The following CARS2 variants were observed in gnomAD, a reference collection of about 807,000 sequenced individuals.
CARS2 encodes the protein probable cysteine--tRNA ligase, mitochondrial.
A neutral mutation model predicts 68.8 loss-of-function variants in CARS2; 52 were observed. That is an observed-to-expected ratio of 0.76 (90% CI 0.61 to 0.95). CARS2 has a LOEUF of 0.95. Among genes scored for constraint, CARS2 ranks in the 40% least tolerant of loss-of-function variants. CARS2 has a pLI of 0.00. For missense variants in CARS2, 780 were observed against 754.2 expected, an observed-to-expected ratio of 1.03 and a Z score of -0.40; for synonymous variants, 314 against 303.6, an observed-to-expected ratio of 1.03 and a Z score of -0.36.
Position 110,687,933 on chromosome 13 carries a change from GC to G in CARS2, c.465+13del, listed in dbSNP as rs1566324048. 2.5e-6 allele frequency: 4 copies of G among 1,609,468 alleles called. 1 individual carries two copies. The South Asian group carries it at 4.4e-5, about 18-fold the overall frequency. Reference sequence around the variant, plus strand: ...GTCACCCTCATGGCAGGAACAACCAGCCCCACACTTTACCTTCAGGGCTGCC... The same window carrying G: ...GTCACCCTCATGGCAGGAACAACCAGCCCACACTTTACCTTCAGGGCTGCC... On this transcript the variant is annotated intron_variant, in intron 4 of 14. Coordinates refer to ENST00000257347, the MANE Select transcript of CARS2 (RefSeq NM_024537.4).
intron 2 of CARS2, among the ~76,000 whole-genome samples, chr13:110,704,203 T>C (rs1045643395): frequency 6.6e-6 from 1 of 152,260 alleles, no homozygotes; most frequent in Non-Finnish European, 1.5e-5. Flanking sequence ...ATGAGATTTC[T>C]TTCTGTCTTT....
intron 11 of CARS2, 63 bp from the exon 12 acceptor site, chr13:110,646,153 C>A: frequency 6.5e-7 from 1 of 1,546,444 alleles, no homozygotes; most frequent in Non-Finnish European, 8.7e-7. Flanking sequence ...GCGGCCCCCA[C>A]ACCAGTCCTT....
chr13:110,658,938 C>A lies in CARS2; in HGVS notation c.987+4513G>T, dbSNP rs543210704. On this transcript the variant is annotated intron_variant, in intron 9 of 14. Transcript: ENST00000257347. ...TGAGACTAACAAAAAAACAAACAAACAAAAAAAGAAAAACAGACTACAGAC... is the reference window on the plus strand; with the variant it reads ...TGAGACTAACAAAAAAACAAACAAAAAAAAAAAGAAAAACAGACTACAGAC... 3.3e-5 allele frequency among the ~76,000 whole-genome samples: 5 copies of A among 151,692 alleles called. 1 individual carries two copies. The highest frequency in any genetic ancestry group is 2.1e-4 in the South Asian group (1 of 4,808).
rs780900200 is a variant in CARS2, at chr13:110,665,528, C to G, written c.919+1812G>C. 63 of 985,374 alleles carry G rather than the reference C, an allele frequency of 6.4e-5. No homozygotes were observed. The highest frequency in any genetic ancestry group is 6.6e-5 in the Non-Finnish European group (55 of 829,970). 61.0% of individuals were successfully genotyped at this position (985,374 alleles called of 1,614,324 possible). On this transcript the variant is annotated intron_variant, in intron 8 of 14. Coordinates refer to ENST00000257347, the MANE Select transcript of CARS2 (RefSeq NM_024537.4). The surrounding 1 kb of genome is among the most constrained non-coding windows in gnomAD (Gnocchi z 4.3). The stretch of plus-strand genomic sequence containing the variant: ...TCTAGACCCGGCCCCTCCTCATTAC[C>G]TGACAGGACGAAGCGTTGGCACAGC...
rs989855610 is a variant in CARS2 at position 110,687,644 on chromosome 13, A to T, written c.571+77T>A. On this transcript the variant is annotated intron_variant, in intron 5 of 14. Coordinates refer to ENST00000257347, the MANE Select transcript of CARS2 (RefSeq NM_024537.4). ...CAGTGAGCTGAGATAGCACCACTGCACTCCAGCCTGGGTGACAGAGTAAAA... is the reference window on the plus strand; with the variant it reads ...CAGTGAGCTGAGATAGCACCACTGCTCTCCAGCCTGGGTGACAGAGTAAAA... 4.5e-5 allele frequency: 39 copies of T among 871,294 alleles called. No homozygotes were observed. In the African/African-American group the frequency reaches 6.2e-4, roughly 14 times the overall value. The allele number at this position is 871,294 out of a possible 1,614,324, so 54.0% of individuals were successfully genotyped here.
intron 10 of CARS2, 89 bp downstream of exon 10, chr13:110,650,945 C>T (rs536169655): frequency 1.4e-4 from 129 of 935,844 alleles, no homozygotes; most frequent in Non-Finnish European, 1.9e-4. Flanking sequence ...TCTGCTTATT[C>T]TCTGGCCTGC....
chr13:110,649,603 G>A (rs528482889), intron 10 of CARS2, among the ~76,000 whole-genome samples: 16 of 152,334 alleles, frequency 1.1e-4, no homozygotes, highest in Admixed American at 3.9e-4. Context: ...CACTCCCATC[G>A]TCTTCATTAA....
intron 3 of CARS2, among the ~76,000 whole-genome samples, chr13:110,699,300 C>T (rs1320862235): frequency 1.3e-5 from 2 of 152,194 alleles, no homozygotes; most frequent in African/African-American, 4.8e-5. Flanking sequence ...AAACAGCAGC[C>T]CACCACTGGA....
intron 3 of CARS2, among the ~76,000 whole-genome samples, chr13:110,699,942 G>A (rs2063734710): frequency 6.6e-6 from 1 of 152,174 alleles, no homozygotes; most frequent in African/African-American, 2.4e-5. Flanking sequence ...CCAGGTGTGG[G>A]CCAGACTCCA....
Position 110,705,158 on chromosome 13 carries a change from G to C in CARS2, c.275+363C>G, listed in dbSNP as rs1229438117. On this transcript the variant is annotated intron_variant, in intron 2 of 14. Coordinates refer to ENST00000257347, the MANE Select transcript of CARS2 (RefSeq NM_024537.4). The surrounding 1 kb of genome is among the most constrained non-coding windows in gnomAD (Gnocchi z 4.0). ...AGAAACCAGGACTCAAAGCAATAAA[G>C]TGACCTGCTCAGTGCTGTGAAGCTA... Among the ~76,000 whole-genome samples, 2 of 152,208 alleles carry C rather than the reference G, an allele frequency of 1.3e-5. No homozygotes were observed. Among genetic ancestry groups the C allele is most frequent in the Non-Finnish European group, 2.9e-5 (2 of 68,038 alleles).
chr13:110,649,173 G>A (rs1402114406), intron 10 of CARS2: 3 of 152,264 alleles, frequency 2.0e-5, no homozygotes, highest in Non-Finnish European at 2.9e-5. Context: ...TGCTGCACGA[G>A]GCCAGGCGAG....
chr13:110,681,026 C>G (rs1419902338), intron 6 of CARS2, among the ~76,000 whole-genome samples: 1 of 152,216 alleles, frequency 6.6e-6, no homozygotes, highest in Non-Finnish European at 1.5e-5. Context: ...TAGGGGGTGA[C>G]CGCAGGGTCT....
In CARS2 at chr13:110,653,555, T is replaced by C. The variant is rs1360977857; in HGVS notation, c.988-2455A>G. ...TTCCAAAAACGATTTCACCTGGCTT[T>C]CTCTCAAAGGGGTTTTCCTCTCAGA... On this transcript the variant is annotated intron_variant, in intron 9 of 14. Coordinates refer to ENST00000257347, the MANE Select transcript of CARS2 (RefSeq NM_024537.4). This position sits in a 1 kb window ranked among gnomAD's most constrained non-coding sequence, Gnocchi z 5.6. Among the ~76,000 whole-genome samples, 1 of 152,164 alleles carries C rather than the reference T, an allele frequency of 6.6e-6. No individual in the cohort carries two copies. Among genetic ancestry groups the C allele is most frequent in the Non-Finnish European group, 1.5e-5 (1 of 68,044 alleles).
Position 110,668,579 on chromosome 13 carries a change from C to T in CARS2, c.786-1106G>A, listed in dbSNP as rs113065164. ...AGATTTTTACATCTTAGTGACGGGT[C>T]GTCTTAGGGTAACTCTAACATTCCC... On this transcript the variant is annotated intron_variant, in intron 7 of 14. Coordinates refer to ENST00000257347, the MANE Select transcript of CARS2 (RefSeq NM_024537.4). The surrounding 1 kb of genome is among the most constrained non-coding windows in gnomAD (Gnocchi z 4.1). Among the ~76,000 whole-genome samples, 74 of 151,616 alleles carry T rather than the reference C, an allele frequency of 4.9e-4. No individual in the cohort carries two copies. Among genetic ancestry groups the T allele is most frequent in the African/African-American group, 1.4e-3 (59 of 41,376 alleles).
intron 3 of CARS2, among the ~76,000 whole-genome samples, chr13:110,693,109 C>CAAAAAAAAAAAAAAAAAAA (rs776745304): frequency 1.7e-5 from 1 of 59,434 alleles, no homozygotes; most frequent in African/African-American, 7.6e-5. Flanking sequence ...GACTCTGTCT[C>CAAAAAAAAAAAAAAAAAAA]AAAAAAAAAA....
At position 110,676,217 on chromosome 13, in the gene CARS2, G is replaced by A. The variant is rs575781809; in HGVS notation, c.785+757C>T. 2.5e-4 allele frequency among the ~76,000 whole-genome samples: 38 copies of A among 152,318 alleles called. No homozygotes were observed. The highest frequency in any genetic ancestry group is 5.9e-4 in the Admixed American group (9 of 15,298). On this transcript the variant is annotated intron_variant, in intron 7 of 14. Transcript: ENST00000257347. This position sits in a 1 kb window ranked among gnomAD's most constrained non-coding sequence, Gnocchi z 4.0. The stretch of plus-strand genomic sequence containing the variant: ...AGCCCCATGGGCAGCTGTGCAGCAC[G>A]GGGCACGGGCGGTATGCTGTCTTTC...
chr13:110,684,397 G>C (rs966661612), intron 5 of CARS2, among the ~76,000 whole-genome samples: 1 of 151,948 alleles, frequency 6.6e-6, no homozygotes, highest in Non-Finnish European at 1.5e-5. Context: ...GCTGCACCCA[G>C]GACCTGCCTC....
chr13:110,687,944 T>G lies in CARS2; in HGVS notation c.465+3A>C. On this transcript the variant is annotated splice_donor_region_variant and intron_variant, in intron 4 of 14. Transcript: ENST00000257347. The stretch of plus-strand genomic sequence containing the variant: ...GGCAGGAACAACCAGCCCCACACTT[T>G]ACCTTCAGGGCTGCCATGTCCTGCT... 6.2e-7 allele frequency: 1 copy of G among 1,611,708 alleles called. No homozygotes were observed. The highest frequency in any genetic ancestry group is 8.5e-7 in the Non-Finnish European group (1 of 1,178,204).
chr13:110,645,106 C>T (rs1305722202), intron 12 of CARS2: 3 of 153,050 alleles, frequency 2.0e-5, no homozygotes, highest in Non-Finnish European at 4.4e-5. Context: ...GCTGCGGGAC[C>T]TGCCCCAGCC....
Sources: gnomAD v4.1 joint callset for allele counts (sites outside exome capture counted in the v4.1 genomes callset) on GRCh38, gnomAD v4.1.1 for gene constraint, Gnocchi (gnomAD v3.1) non-coding constraint, MANE v1.5 for transcripts, NCBI Gene and HGNC (gene_info 2026-07-23, HGNC 2026-07-21) for gene names.